Variants in LACTB2 observed in about 807,000 individuals in gnomAD.
The protein encoded by LACTB2 is lactamase beta 2, also known as endoribonuclease LACTB2.
A neutral mutation model predicts 34.8 loss-of-function variants in LACTB2; 32 were observed. The observed-to-expected ratio is 0.92, with a 90% CI of 0.69 to 1.24. The LOEUF is 1.24. Ranked by LOEUF, LACTB2 falls within the 50% of genes most tolerant of loss-of-function variation. The pLI, the probability that LACTB2 is intolerant of heterozygous loss-of-function variation, is 0.00. For missense variants in LACTB2, 320 were observed against 345.0 expected (o/e 0.93, Z 0.57); for synonymous variants, 120 against 117.5 (o/e 1.02, Z -0.14).
At chr8:70,643,010 G>C (rs2132069286) in intron 4 of LACTB2, among the ~76,000 whole-genome samples, 1 of 152,158 alleles carries the variant, frequency 6.6e-6, no homozygotes, top group African/African-American at 2.4e-5. Context: ...TAAAAATCAA[G>C]TTAACAAAAA....
Position 70,669,124 on chromosome 8 carries a change from C to G in LACTB2, c.-4G>C. 1 of 1,608,900 alleles carries G rather than the reference C, an allele frequency of 6.2e-7. No individual in the cohort carries two copies. Among genetic ancestry groups the G allele is most frequent in the Non-Finnish European group, 8.5e-7 (1 of 1,177,992 alleles). ...CGCGCTGCAGTACAGCAGCCATTCC[C>G]GCCTCAGCCGCCCGCCGGCGTGTCG... On this transcript the variant is annotated 5_prime_UTR_variant, in exon 1 of 7. Transcript: ENST00000276590.
intron 5 of LACTB2, among the ~76,000 whole-genome samples, chr8:70,638,912 G>C (rs7813315): frequency 0.33 from 50,257 of 151,116 alleles, 9,520 homozygotes; most frequent in Non-Finnish European, 0.44. Flanking sequence ...GCTAATTTTT[G>C]TACTTTTAGT....
intron 4 of LACTB2, 139 bp downstream of exon 4, chr8:70,643,926 C>G: frequency 1.3e-6 from 1 of 769,524 alleles, no homozygotes; most frequent in Non-Finnish European, 1.8e-6. Flanking sequence ...CTTTGGCATG[C>G]CTGTATACCC....
At chr8:70,664,376 G>C (rs1818514639) in intron 1 of LACTB2, among the ~76,000 whole-genome samples, 1 of 152,090 alleles carries the variant, frequency 6.6e-6, no homozygotes, top group Admixed American at 6.6e-5. Flanking sequence ...AAATTAACAG[G>C]GTTGATACAT....
chr8:70,648,495 CAT>C (rs1390058796), intron 3 of LACTB2, among the ~76,000 whole-genome samples: 2 of 151,760 alleles, frequency 1.3e-5, no homozygotes, highest in African/African-American at 4.8e-5. Context: ...GAAATAAAAA[CAT>C]GTAGTAAGAT....
chr8:70,657,916 C>T (rs765865004), intron 2 of LACTB2, 34 bp from the exon 3 acceptor site: 2 of 1,444,586 alleles, frequency 1.4e-6, no homozygotes, highest in Admixed American at 2.0e-5. Context: ...TATTAATTCA[C>T]ACTTTATAAT....
rs199728447 is a variant in LACTB2 at position 70,669,167 on chromosome 8, G to A, written c.-47C>T. 1.9e-5 allele frequency: 30 copies of A among 1,600,360 alleles called. No homozygotes were observed. Among genetic ancestry groups the A allele is most frequent in the Admixed American group, 1.7e-5 (1 of 58,674 alleles). On this transcript the variant is annotated 5_prime_UTR_variant, in exon 1 of 7. Coordinates refer to ENST00000276590, the MANE Select transcript of LACTB2 (RefSeq NM_016027.3). The stretch of plus-strand genomic sequence containing the variant: ...GCGTGTCGCCTATCTGGATACTCCA[G>A]CGCGGAAGAAGCCAACAGGCCGGGG...
intron 3 of LACTB2, chr8:70,646,137 C>T (rs1050057180): frequency 2.4e-4 from 36 of 152,288 alleles, no homozygotes; most frequent in African/African-American, 8.4e-4. Flanking sequence ...CCTATTTCTC[C>T]ACATCCTCTC....
intron 2 of LACTB2, among the ~76,000 whole-genome samples, chr8:70,659,787 T>C (rs1818459326): frequency 1.3e-5 from 2 of 152,206 alleles, no homozygotes; most frequent in Admixed American, 6.5e-5. Context: ...TGTGCAAATA[T>C]AAATGAAAAC....
chr8:70,655,936 T>C (rs994370657), intron 3 of LACTB2, among the ~76,000 whole-genome samples: 1 of 152,224 alleles, frequency 6.6e-6, no homozygotes. Flanking sequence ...TTGATTTGTA[T>C]TTCCCTGATC....
At chr8:70,641,553 C>G (rs932075721) in intron 4 of LACTB2, among the ~76,000 whole-genome samples, 6 of 152,184 alleles carry the variant, frequency 3.9e-5, no homozygotes, top group Non-Finnish European at 5.9e-5. Flanking sequence ...GACAGGATCT[C>G]TTAACCACTC....
chr8:70,653,362 T>C (rs1313125199), intron 3 of LACTB2, among the ~76,000 whole-genome samples: 1 of 152,148 alleles, frequency 6.6e-6, no homozygotes, highest in African/African-American at 2.4e-5. Flanking sequence ...CCCAAAGTAC[T>C]GGGATTACAG....
intron 6 of LACTB2, 81 bp downstream of exon 6, chr8:70,638,466 TA>T: frequency 7.2e-7 from 1 of 1,388,684 alleles, no homozygotes; most frequent in Non-Finnish European, 9.6e-7. Context: ...TGATGGGTAT[TA>T]TTTTTCCTCA....
At chr8:70,651,995 G>A (rs1818349554) in intron 3 of LACTB2, 1 of 152,128 alleles carries the variant, frequency 6.6e-6, no homozygotes, top group South Asian at 2.1e-4. Flanking sequence ...CTGTCAGATT[G>A]ACTTTTCTTC....
At chr8:70,641,501 G>A (rs971925874) in intron 4 of LACTB2, among the ~76,000 whole-genome samples, 3 of 152,076 alleles carry the variant, frequency 2.0e-5, no homozygotes, top group Non-Finnish European at 4.4e-5. Context: ...TAAATAATCC[G>A]TCCACAGTTA....
intron 1 of LACTB2, among the ~76,000 whole-genome samples, chr8:70,668,748 G>GTTTTTTTTTTTTTTTTTTTTTTTTT (rs990900411): frequency 1.6e-4 from 17 of 103,696 alleles, no homozygotes; most frequent in East Asian, 4.7e-4. Flanking sequence ...CAAAACAGAA[G>GTTTTTTTTTTTTTTTTTTTTTTTTT]TTTTTTTTTT....
At chr8:70,643,566 A>C (rs1298055259) in intron 4 of LACTB2, among the ~76,000 whole-genome samples, 1 of 151,538 alleles carries the variant, frequency 6.6e-6, no homozygotes. Flanking sequence ...CCAGGCTGGC[A>C]TGCAGTGGTG....
chr8:70,641,140 C>T, intron 4 of LACTB2, 90 bp from the exon 5 acceptor site: 1 of 1,148,378 alleles, frequency 8.7e-7, no homozygotes, highest in Non-Finnish European at 1.2e-6. Flanking sequence ...AAAAATAATT[C>T]ATATGATATA....
chr8:70,650,280 G>A (rs947104398), intron 3 of LACTB2, among the ~76,000 whole-genome samples: 6 of 152,178 alleles, frequency 3.9e-5, no homozygotes, highest in Non-Finnish European at 7.3e-5. Context: ...AGTTATTTGT[G>A]TTAAGCTTAA....
Sources: allele counts gnomAD v4.1 joint callset (sites outside exome capture counted in the v4.1 genomes callset), GRCh38; gene constraint gnomAD v4.1.1; transcripts MANE v1.5; gene names NCBI Gene and HGNC (gene_info 2026-07-23, HGNC 2026-07-21).